The following HS3ST4 variants were observed in gnomAD, a reference collection of about 807,000 sequenced individuals.
HS3ST4 encodes the protein heparan sulfate-glucosamine 3-sulfotransferase 4, also known as heparan sulfate glucosamine 3-O-sulfotransferase 4.
HS3ST4 carries 17 observed loss-of-function variants against 29.2 expected under a neutral mutation model. That is an observed-to-expected ratio of 0.58 (90% confidence interval 0.40 to 0.87). The LOEUF is 0.87. Ranked by LOEUF, HS3ST4 falls within the 40% of genes least tolerant of loss-of-function variation. HS3ST4 has a pLI of 0.00. For missense variants in HS3ST4, 627 were observed against 634.5 expected, an observed-to-expected ratio of 0.99 and a Z score of 0.13; for synonymous variants, 314 against 285.7, an observed-to-expected ratio of 1.10 and a Z score of -1.00.
chr16:26,020,333 T>C (rs1239691910), intron 1 of HS3ST4, among the ~76,000 whole-genome samples: 1 of 152,176 alleles, frequency 6.6e-6, no homozygotes, highest in Non-Finnish European at 1.5e-5. Context: ...GAAGTGCTGT[T>C]GTCTGTGGGG....
In HS3ST4 at chr16:26,089,772, A is replaced by G. The variant is rs1216980693; in HGVS notation, c.735-45840A>G. 3.9e-5 allele frequency among the ~76,000 whole-genome samples: 6 copies of G among 152,330 alleles called. No homozygotes were observed. In the East Asian group the frequency reaches 1.2e-3, roughly 29 times the overall value. On this transcript the variant is annotated intron_variant, in intron 1 of 1. Transcript: ENST00000331351. ...ATTGGAACAATGATGCTAAGAGATA[A>G]TATAGCACACATGGGCTCGTGGCCA...
intron 1 of HS3ST4, among the ~76,000 whole-genome samples, chr16:26,017,295 G>T (rs1004926192): frequency 1.1e-4 from 17 of 152,226 alleles, no homozygotes; most frequent in African/African-American, 3.4e-4. Flanking sequence ...TCTCTGTTTA[G>T]CAAATGCTTG....
At chr16:26,040,888 T>C (rs946405512) in intron 1 of HS3ST4, among the ~76,000 whole-genome samples, 2 of 152,042 alleles carry the variant, frequency 1.3e-5, no homozygotes, top group African/African-American at 4.8e-5. Context: ...CCCAACATGG[T>C]CACTATTGAT....
rs71158987 is a variant in HS3ST4, at chr16:26,049,327, GTCCGGAGGTCTACATCCGGAGGTCTACA to G, written c.735-86235_735-86208del. On this transcript the variant is annotated intron_variant, in intron 1 of 1. Transcript: ENST00000331351. ...AGGAAAAAGGTGGACCTGCTGGGAAGTCCGGAGGTCTACATCCGGAGGTCTACATCCGGAGGTCTACATCCGGAGGTCT... is the reference window on the plus strand; with the variant it reads ...AGGAAAAAGGTGGACCTGCTGGGAAGTCCGGAGGTCTACATCCGGAGGTCT... 8.9e-3 allele frequency among the ~76,000 whole-genome samples: 1,119 copies of G among 125,894 alleles called. 6 individuals carry two copies. Among genetic ancestry groups the G allele is most frequent in the East Asian group, 0.014 (64 of 4,608 alleles). The allele number at this position is 125,894 out of a possible 152,430, so 82.6% of individuals were successfully genotyped here.
At chr16:25,828,970 G>A (rs117903303) in intron 1 of HS3ST4, among the ~76,000 whole-genome samples, 1,637 of 152,286 alleles carry the variant, frequency 0.011, 11 homozygotes, top group Non-Finnish European at 0.015. Flanking sequence ...GGTCTTCAAG[G>A]CAGCTTGGGT....
At chr16:25,804,202 G>A (rs1192085637) in intron 1 of HS3ST4, among the ~76,000 whole-genome samples, 1 of 152,114 alleles carries the variant, frequency 6.6e-6, no homozygotes, top group African/African-American at 2.4e-5. Flanking sequence ...TTATATTTCA[G>A]GATTTCTAGT....
At chr16:25,945,233 T>A (rs1429203210) in intron 1 of HS3ST4, among the ~76,000 whole-genome samples, 1 of 152,170 alleles carries the variant, frequency 6.6e-6, no homozygotes, top group Non-Finnish European at 1.5e-5. Flanking sequence ...GCATATTGAG[T>A]GTGTGTACTT....
intron 1 of HS3ST4, among the ~76,000 whole-genome samples, chr16:25,912,120 T>A (rs909128461): frequency 1.3e-5 from 2 of 152,160 alleles, no homozygotes; most frequent in African/African-American, 2.4e-5. Context: ...CCCATCTGTG[T>A]TCTTAGTAAC....
chr16:25,823,105 T>G (rs1031905034), intron 1 of HS3ST4, among the ~76,000 whole-genome samples: 1 of 152,126 alleles, frequency 6.6e-6, no homozygotes, highest in African/African-American at 2.4e-5. Flanking sequence ...AGCCCCAGCT[T>G]CTTCTTTACA....
intron 1 of HS3ST4, 35 bp downstream of exon 1, chr16:25,693,186 C>T: frequency 4.0e-6 from 6 of 1,516,640 alleles, no homozygotes; most frequent in Non-Finnish European, 5.3e-6. Context: ...GGTGGAGACG[C>T]GTGGGGGAGA....
chr16:25,800,088 TCCTG>T (rs932763004), intron 1 of HS3ST4, among the ~76,000 whole-genome samples: 5 of 145,498 alleles, frequency 3.4e-5, no homozygotes, highest in African/African-American at 1.0e-4. Context: ...CTTCCTTCCT[TCCTG>T]CCTTCCTTCC....
chr16:25,828,779 G>C (rs1327309767), intron 1 of HS3ST4, among the ~76,000 whole-genome samples: 1 of 152,162 alleles, frequency 6.6e-6, no homozygotes, highest in African/African-American at 2.4e-5. Context: ...TTCTGTTCTT[G>C]TGTTAGTTTG....
chr16:25,909,473 C>T (rs943910601), intron 1 of HS3ST4, among the ~76,000 whole-genome samples: 55 of 152,176 alleles, frequency 3.6e-4, no homozygotes, highest in African/African-American at 1.0e-3. Flanking sequence ...CACCATGCCC[C>T]GATGAGATTC....
intron 1 of HS3ST4, among the ~76,000 whole-genome samples, chr16:25,818,596 T>G (rs962433057): frequency 1.5e-4 from 23 of 152,202 alleles, no homozygotes; most frequent in African/African-American, 5.1e-4. Flanking sequence ...GAGAACATAC[T>G]TATTTCCCAT....
Position 26,136,272 on chromosome 16 carries a change from A to C in HS3ST4, c.*24A>C. 6.3e-7 allele frequency: 1 copy of C among 1,594,362 alleles called. No homozygotes were observed. Among genetic ancestry groups the C allele is most frequent in the Non-Finnish European group, 8.5e-7 (1 of 1,172,578 alleles). ...GAGGCTAGAGAGGCAGAGGAAGGCT[A>C]GTCAATAAGCTAAGGAGGCTCCTTG... On this transcript the variant is annotated 3_prime_UTR_variant, in exon 2 of 2. Coordinates refer to ENST00000331351, the MANE Select transcript of HS3ST4 (RefSeq NM_006040.3).
At chr16:25,720,566 A>G (rs546766068) in intron 1 of HS3ST4, among the ~76,000 whole-genome samples, 11 of 152,246 alleles carry the variant, frequency 7.2e-5, no homozygotes, top group Admixed American at 7.2e-4. Flanking sequence ...TTCCTGCTCT[A>G]AGGCTCCTTC....
At chr16:25,961,571 C>A (rs1968793142) in intron 1 of HS3ST4, among the ~76,000 whole-genome samples, 1 of 152,126 alleles carries the variant, frequency 6.6e-6, no homozygotes, top group Non-Finnish European at 1.5e-5. Context: ...AGGAATAATA[C>A]CATGAGAATT....
intron 1 of HS3ST4, among the ~76,000 whole-genome samples, chr16:26,113,038 A>T (rs560825986): frequency 2.0e-5 from 3 of 152,216 alleles, no homozygotes; most frequent in Non-Finnish European, 4.4e-5. Context: ...TATAGAAGCA[A>T]TGGCAGTGTC....
rs145916062 is a variant in HS3ST4, at chr16:26,072,877, T to G, written c.735-62735T>G. The stretch of plus-strand genomic sequence containing the variant: ...CTTTCAAGATCATTGAGTTTGGTGA[T>G]TCTGACGACTTGTTCATGTTGAGCC... On this transcript the variant is annotated intron_variant, in intron 1 of 1. Coordinates refer to ENST00000331351, the MANE Select transcript of HS3ST4 (RefSeq NM_006040.3). 3.6e-3 allele frequency among the ~76,000 whole-genome samples: 555 copies of G among 152,344 alleles called. 3 individuals carry two copies. Among genetic ancestry groups the G allele is most frequent in the African/African-American group, 0.013 (534 of 41,578 alleles).
Sources: allele counts gnomAD v4.1 joint callset (sites outside exome capture counted in the v4.1 genomes callset), GRCh38; gene constraint gnomAD v4.1.1; transcripts MANE v1.5; gene names NCBI Gene and HGNC (gene_info 2026-07-23, HGNC 2026-07-21).